GLI2: variants seen among roughly 807,000 people sequenced by gnomAD.
The protein encoded by GLI2 is GLI family zinc finger 2, also known as transcription activator GLI2.
GLI2 carries 22 observed loss-of-function variants against 78.9 expected under a neutral mutation model. The ratio of observed to expected loss-of-function variants is 0.28; its 90% confidence interval spans 0.20 to 0.40. The LOEUF is 0.40. Ranked by LOEUF, GLI2 falls within the 10% of genes least tolerant of loss-of-function variation. The pLI is 1.00. For synonymous variants in GLI2, 974 were observed against 963.7 expected (o/e 1.01, Z -0.20); for missense variants, 2,097 against 2,213.2 (o/e 0.95, Z 1.05).
Position 120,782,247 on chromosome 2 carries a change from G to T in GLI2, c.-30-15044G>T, listed in dbSNP as rs191021505. ...CATGTTTCTTCTTACCTGTGACAGTGTCATTGAGGCAGGCCAGGGACTTAG... is the reference window on the plus strand; with the variant it reads ...CATGTTTCTTCTTACCTGTGACAGTTTCATTGAGGCAGGCCAGGGACTTAG... On this transcript the variant is annotated intron_variant, in intron 1 of 13. Coordinates refer to ENST00000361492, the MANE Select transcript of GLI2 (RefSeq NM_001374353.1). Among the ~76,000 whole-genome samples the T allele has an allele frequency of 1.4e-4, 21 of 152,284 alleles. No individual in the cohort carries two copies. In the East Asian group the frequency reaches 4.0e-3, roughly 29 times the overall value.
chr2:120,978,707 C>A, intron 10 of GLI2, 124 bp downstream of exon 10: 1 of 1,070,050 alleles, frequency 9.3e-7, no homozygotes, highest in Non-Finnish European at 1.4e-6. Context: ...ACAGCAGGGG[C>A]TCTGGGACAG....
At chr2:120,950,784 T>C (rs188400651) in intron 3 of GLI2, among the ~76,000 whole-genome samples, 89 of 152,352 alleles carry the variant, frequency 5.8e-4, no homozygotes, top group African/African-American at 2.1e-3. Flanking sequence ...ATCCCTCTCT[T>C]TTTCACATAT....
chr2:120,736,385 G>T (rs929076290), intron 1 of GLI2, 100 bp downstream of exon 1: 21 of 152,246 alleles, frequency 1.4e-4, no homozygotes, highest in Non-Finnish European at 2.8e-4. Context: ...GTCTCGGGGG[G>T]TCCCTCGGCC....
chr2:120,796,962 T>G (rs897139746), intron 1 of GLI2, among the ~76,000 whole-genome samples: 1 of 152,202 alleles, frequency 6.6e-6, no homozygotes, highest in Admixed American at 6.5e-5. Context: ...TTCCCCATGA[T>G]TCACAGACAG....
At position 120,809,618 on chromosome 2, in the gene GLI2, C is replaced by T. The variant is rs574429560; in HGVS notation, c.148+12150C>T. Among the ~76,000 whole-genome samples the T allele has an allele frequency of 6.6e-5, 10 of 152,074 alleles. No homozygotes were observed. In the South Asian group the frequency reaches 1.2e-3, roughly 19 times the overall value. On this transcript the variant is annotated intron_variant, in intron 2 of 13. Transcript: ENST00000361492. ...TGCGGGGGAGGGAGGGCGCCTGTGG[C>T]GGCATGGGGGCCTGGTCGTGCTGCT...
At chr2:120,791,170 G>A (rs1171565929) in intron 1 of GLI2, among the ~76,000 whole-genome samples, 1 of 152,194 alleles carries the variant, frequency 6.6e-6, no homozygotes, top group African/African-American at 2.4e-5. Context: ...TTATTTTGCC[G>A]CTGGCAGTAA....
intron 4 of GLI2, among the ~76,000 whole-genome samples, chr2:120,952,981 C>T (rs1681070028): frequency 6.6e-6 from 1 of 152,242 alleles, no homozygotes; most frequent in African/African-American, 2.4e-5. Flanking sequence ...ACCAGGCTGG[C>T]GTTCCTTCCT....
intron 5 of GLI2, among the ~76,000 whole-genome samples, chr2:120,961,235 A>G (rs1336967564): frequency 1.3e-5 from 2 of 152,040 alleles, no homozygotes; most frequent in African/African-American, 4.8e-5. Flanking sequence ...CTCCATTCTG[A>G]CGCCTGTTCT....
At chr2:120,880,573 A>T (rs1677066589) in intron 2 of GLI2, among the ~76,000 whole-genome samples, 1 of 152,154 alleles carries the variant, frequency 6.6e-6, no homozygotes, top group South Asian at 2.1e-4. Flanking sequence ...GTCATTCACA[A>T]ACAAACATAG....
At chr2:120,820,674 TGA>T (rs1380494211) in intron 2 of GLI2, among the ~76,000 whole-genome samples, 2 of 152,218 alleles carry the variant, frequency 1.3e-5, no homozygotes, top group African/African-American at 4.8e-5. Context: ...CTTCTCTTTG[TGA>T]GAGTTAGCCT....
chr2:120,773,773 AG>A (rs1423920013), intron 1 of GLI2, among the ~76,000 whole-genome samples: 1 of 152,108 alleles, frequency 6.6e-6, no homozygotes, highest in African/African-American at 2.4e-5. Flanking sequence ...TAATGAGCTC[AG>A]CCAGGCCGCT....
chr2:120,971,478 C>T (rs1682166857), intron 7 of GLI2, among the ~76,000 whole-genome samples: 1 of 152,360 alleles, frequency 6.6e-6, no homozygotes. Context: ...CAGAGCCTCC[C>T]CACGACAGTG....
chr2:120,750,740 A>C (rs707488), intron 1 of GLI2, among the ~76,000 whole-genome samples: 1 of 152,120 alleles, frequency 6.6e-6, no homozygotes, highest in African/African-American at 2.4e-5. Context: ...CCTTAACAAC[A>C]AAAGACATCC....
intron 2 of GLI2, among the ~76,000 whole-genome samples, chr2:120,847,129 T>C (rs958104095): frequency 5.9e-5 from 9 of 152,008 alleles, no homozygotes; most frequent in Non-Finnish European, 8.8e-5. Flanking sequence ...CGGGTTTGCC[T>C]GGGACTTAGG....
At chr2:120,972,857 C>T (rs564263871) in intron 8 of GLI2, among the ~76,000 whole-genome samples, 2 of 152,274 alleles carry the variant, frequency 1.3e-5, no homozygotes, top group East Asian at 3.9e-4. Flanking sequence ...AACTTTGCCA[C>T]TTATTTCTTC....
intron 2 of GLI2, among the ~76,000 whole-genome samples, chr2:120,909,095 C>T (rs1377017630): frequency 6.6e-6 from 1 of 152,186 alleles, no homozygotes; most frequent in Non-Finnish European, 1.5e-5. Flanking sequence ...TCCCCTGAGC[C>T]ACCAGAAGCC....
At chr2:120,872,494 C>T (rs886586714) in intron 2 of GLI2, among the ~76,000 whole-genome samples, 1 of 152,194 alleles carries the variant, frequency 6.6e-6, no homozygotes, top group African/African-American at 2.4e-5. Context: ...GAAGGTCATA[C>T]TGCAAAGTGG....
At position 120,975,058 on chromosome 2, in the gene GLI2, C is replaced by T; in HGVS notation, c.1266C>T (p.Cys422=). ...EAEVVIYETN[C]HWEDCTKEYD... ...AGGTGGTCATCTATGAGACCAACTG[C>T]CACTGGGAAGACTGCACCAAGGAGT... Residue 422 remains cysteine, a synonymous_variant, in exon 9 of 14, where the codon TGC becomes TGT. Transcript: ENST00000361492. 1.2e-6 allele frequency: 2 copies of T among 1,614,084 alleles called. No homozygotes were observed. The highest frequency in any genetic ancestry group is 1.7e-6 in the Non-Finnish European group (2 of 1,180,024).
chr2:120,864,001 C>T (rs1688016653), intron 2 of GLI2, among the ~76,000 whole-genome samples: 1 of 152,112 alleles, frequency 6.6e-6, no homozygotes, highest in Non-Finnish European at 1.5e-5. Flanking sequence ...GTGTGGAGGG[C>T]GGCTGGAGAA....
Sources: allele counts gnomAD v4.1 joint callset (sites outside exome capture counted in the v4.1 genomes callset), GRCh38; gene constraint gnomAD v4.1.1; transcripts MANE v1.5; gene names NCBI Gene and HGNC (gene_info 2026-07-23, HGNC 2026-07-21).